Variants in RIMS2 observed in about 807,000 individuals in gnomAD.
RIMS2 encodes regulating synaptic membrane exocytosis 2, also known as regulating synaptic membrane exocytosis protein 2.
In RIMS2, 59 loss-of-function variants were observed where a neutral mutation model predicts 174.4. The ratio of observed to expected loss-of-function variants is 0.34; its 90% CI spans 0.27 to 0.42. The LOEUF is 0.42. RIMS2 is among the 10% of genes least tolerant of loss of function. The probability of loss-of-function intolerance (pLI) is 1.00; values close to 1 mark genes in which losing one functional copy is unlikely to be tolerated. For missense variants in RIMS2, 1,620 were observed against 1,666.3 expected, an observed-to-expected ratio of 0.97 and a Z score of 0.48; for synonymous variants, 606 against 572.5, an observed-to-expected ratio of 1.06 and a Z score of -0.84.
chr8:103,797,737 T>A (rs983270673), intron 3 of RIMS2, among the ~76,000 whole-genome samples: 1 of 152,216 alleles, frequency 6.6e-6, no homozygotes, highest in African/African-American at 2.4e-5. Flanking sequence ...GAAATTGTTA[T>A]GCCTATTTGC....
intron 3 of RIMS2, among the ~76,000 whole-genome samples, chr8:103,845,158 G>C (rs1247001726): frequency 6.6e-6 from 1 of 151,934 alleles, no homozygotes; most frequent in Non-Finnish European, 1.5e-5. Context: ...AGCAAGTTTT[G>C]CAGAGAATAG....
intron 3 of RIMS2, among the ~76,000 whole-genome samples, chr8:103,772,485 A>T (rs2098264974): frequency 6.6e-6 from 1 of 152,096 alleles, no homozygotes; most frequent in Non-Finnish European, 1.5e-5. Flanking sequence ...TATGTTGAAA[A>T]CACTGAAGCA....
chr8:103,596,978 C>T (rs1588577247), intron 1 of RIMS2, among the ~76,000 whole-genome samples: 1 of 152,030 alleles, frequency 6.6e-6, no homozygotes, highest in Non-Finnish European at 1.5e-5. Context: ...ATCAAAACAG[C>T]GCTGTTATTT....
chr8:104,093,403 GA>G (rs2097696624), intron 19 of RIMS2, 67 bp from the exon 24 acceptor site: 2 of 1,101,418 alleles, frequency 1.8e-6, no homozygotes, highest in Non-Finnish European at 2.5e-6. Context: ...TGAAATAGGA[GA>G]AAGCTAATAA....
chr8:103,621,680 C>T (rs1242744282), intron 1 of RIMS2, among the ~76,000 whole-genome samples: 1 of 152,164 alleles, frequency 6.6e-6, no homozygotes, highest in Non-Finnish European at 1.5e-5. Flanking sequence ...AGAGGAAAGT[C>T]TTTGAAGAGG....
intron 1 of RIMS2, among the ~76,000 whole-genome samples, chr8:103,643,395 A>G (rs776997182): frequency 1.3e-5 from 2 of 152,026 alleles, no homozygotes; most frequent in Non-Finnish European, 2.9e-5. Context: ...ATTTTCTGCC[A>G]TATTTGATTT....
At chr8:104,015,599 A>G in intron 19 of RIMS2, 1 of 418,354 alleles carries the variant, frequency 2.4e-6, no homozygotes, top group Middle Eastern at 3.4e-4. Flanking sequence ...GATATCTGAC[A>G]AAGTATTCAA....
At chr8:103,521,215 A>G (rs1007811895) in intron 1 of RIMS2, among the ~76,000 whole-genome samples, 1 of 151,938 alleles carries the variant, frequency 6.6e-6, no homozygotes, top group African/African-American at 2.4e-5. Flanking sequence ...CAGCACACCA[A>G]CATGGCACAT....
intron 3 of RIMS2, among the ~76,000 whole-genome samples, chr8:103,795,360 A>G (rs2098541425): frequency 6.7e-6 from 1 of 150,146 alleles, no homozygotes; most frequent in Admixed American, 6.7e-5. Context: ...AGATGTTCTC[A>G]CTCATAGGTG....
At chr8:103,953,639 G>A (rs965043361) in intron 14 of RIMS2, among the ~76,000 whole-genome samples, 1 of 152,142 alleles carries the variant, frequency 6.6e-6, no homozygotes, top group Admixed American at 6.6e-5. Flanking sequence ...ACCAGCCACT[G>A]CAAAAACACA....
intron 19 of RIMS2, among the ~76,000 whole-genome samples, chr8:104,059,795 G>T (rs1169633050): frequency 1.3e-5 from 2 of 152,034 alleles, no homozygotes; most frequent in Non-Finnish European, 2.9e-5. Context: ...GTTGAATTTT[G>T]TCAAAGGCCT....
chr8:103,635,637 C>T (rs1014912492), intron 1 of RIMS2, among the ~76,000 whole-genome samples: 1 of 152,238 alleles, frequency 6.6e-6, no homozygotes, highest in Non-Finnish European at 1.5e-5. Context: ...GTCCCAAAGA[C>T]ACCTGCAGGA....
chr8:103,915,541 T>C (rs1444832211), exon 7 of RIMS2: 1 of 1,608,014 alleles, frequency 6.2e-7, no homozygotes, highest in South Asian at 1.1e-5. Flanking sequence ...TGTGCATTTA[T>C]TACTAAAGTA....
intron 3 of RIMS2, among the ~76,000 whole-genome samples, chr8:103,822,214 T>G (rs2098756216): frequency 6.6e-6 from 1 of 151,798 alleles, no homozygotes; most frequent in South Asian, 2.1e-4. Flanking sequence ...AAGTAGTTTT[T>G]AAACTAAGAC....
At chr8:104,052,584 T>C (rs1000938628) in intron 19 of RIMS2, among the ~76,000 whole-genome samples, 2 of 152,132 alleles carry the variant, frequency 1.3e-5, no homozygotes, top group Non-Finnish European at 2.9e-5. Flanking sequence ...TGTCCAAGAA[T>C]AGGCAAGACA....
chr8:103,895,871 C>T (rs1845928), intron 4 of RIMS2, among the ~76,000 whole-genome samples: 99,527 of 151,044 alleles, frequency 0.66, 34,004 homozygotes, highest in African/African-American at 0.72. Flanking sequence ...CTTTGGGTCA[C>T]GATCCTAATT....
At chr8:103,969,709 T>C (rs1325152384) in intron 15 of RIMS2, among the ~76,000 whole-genome samples, 1 of 152,196 alleles carries the variant, frequency 6.6e-6, no homozygotes, top group African/African-American at 2.4e-5. Context: ...ACTTGCTCTT[T>C]TTATCCAAAT....
chr8:103,888,402 C>T (rs1424069314), intron 4 of RIMS2, among the ~76,000 whole-genome samples: 2 of 151,128 alleles, frequency 1.3e-5, no homozygotes, highest in Non-Finnish European at 3.0e-5. Flanking sequence ...TTTATTTTCC[C>T]TAAGCTGTAG....
At chr8:103,917,269 GT>G (rs1356435267) in intron 8 of RIMS2, among the ~76,000 whole-genome samples, 2 of 152,202 alleles carry the variant, frequency 1.3e-5, no homozygotes, top group African/African-American at 4.8e-5. Flanking sequence ...TTGTAGAATG[GT>G]AATGTCCAGT....
Sources: gnomAD v4.1 joint callset for allele counts (sites outside exome capture counted in the v4.1 genomes callset) on GRCh38, gnomAD v4.1.1 for gene constraint, MANE v1.5 for transcripts, NCBI Gene and HGNC (gene_info 2026-07-23, HGNC 2026-07-21) for gene names.